CNOT4: variants seen among roughly 807,000 people sequenced by gnomAD.
CNOT4 encodes CCR4-associated factor 4.
In CNOT4, 8 loss-of-function variants were observed where a neutral mutation model predicts 73.8. The observed-to-expected ratio is 0.11, with a 90% CI of 0.06 to 0.20. The LOEUF is 0.20. Among genes scored for constraint, CNOT4 ranks in the 10% least tolerant of loss-of-function variants. The pLI is 1.00. For synonymous variants in CNOT4, 293 were observed against 321.1 expected (o/e 0.91, Z 0.94); for missense variants, 564 against 883.4 (o/e 0.64, Z 4.58).
intron 1 of CNOT4, among the ~76,000 whole-genome samples, chr7:135,506,029 A>G (rs913958258): frequency 2.0e-5 from 3 of 152,214 alleles, no homozygotes; most frequent in African/African-American, 7.2e-5. Flanking sequence ...AAATTATGCT[A>G]GCTTTTAAAT....
At chr7:135,481,444 A>G (rs946078356) in intron 1 of CNOT4, among the ~76,000 whole-genome samples, 12 of 152,192 alleles carry the variant, frequency 7.9e-5, no homozygotes, top group Non-Finnish European at 1.5e-5. Context: ...ACACACAATA[A>G]CAGATGCTGG....
chr7:135,380,810 T>C (rs1331071602), intron 10 of CNOT4, among the ~76,000 whole-genome samples: 1 of 152,240 alleles, frequency 6.6e-6, no homozygotes, highest in African/African-American at 2.4e-5. Flanking sequence ...CCTTGTTTAT[T>C]ATCATCATTG....
chr7:135,412,470 AAAAC>A (rs1215813474), intron 6 of CNOT4, among the ~76,000 whole-genome samples: 2 of 152,056 alleles, frequency 1.3e-5, no homozygotes, highest in Non-Finnish European at 2.9e-5. Flanking sequence ...TTTCATCCAA[AAAAC>A]AAACAAAAAA....
intron 3 of CNOT4, among the ~76,000 whole-genome samples, chr7:135,418,349 C>T (rs780548759): frequency 2.0e-5 from 3 of 152,164 alleles, no homozygotes; most frequent in Non-Finnish European, 2.9e-5. Context: ...TATCTATATA[C>T]TCAATATCAC....
intron 3 of CNOT4, among the ~76,000 whole-genome samples, chr7:135,417,937 G>C (rs1384805442): frequency 6.6e-6 from 1 of 152,176 alleles, no homozygotes; most frequent in African/African-American, 2.4e-5. Context: ...GCTATCCCTT[G>C]TGCCTTTACA....
intron 1 of CNOT4, chr7:135,444,619 A>G: frequency 7.8e-7 from 1 of 1,279,638 alleles, no homozygotes; most frequent in Non-Finnish European, 1.1e-6. Flanking sequence ...CCGAGCCACC[A>G]TTCTGGTTCC....
At chr7:135,422,788 T>C (rs1798263316) in intron 2 of CNOT4, among the ~76,000 whole-genome samples, 2 of 152,206 alleles carry the variant, frequency 1.3e-5, no homozygotes, top group Admixed American at 1.3e-4. Flanking sequence ...ATTAATGAAG[T>C]TACACATTTG....
intron 7 of CNOT4, among the ~76,000 whole-genome samples, chr7:135,408,586 T>C (rs1797428099): frequency 6.6e-6 from 1 of 152,172 alleles, no homozygotes; most frequent in African/African-American, 2.4e-5. Context: ...GAGCTCATCC[T>C]AGCAAATCAG....
intron 1 of CNOT4, chr7:135,444,460 T>C: frequency 1.3e-6 from 1 of 778,400 alleles, no homozygotes; most frequent in East Asian, 2.4e-5. Context: ...GAGATGGCGG[T>C]TCTCTGGAGG....
intron 1 of CNOT4, among the ~76,000 whole-genome samples, chr7:135,481,516 C>G (rs1802380420): frequency 6.6e-6 from 1 of 152,134 alleles, no homozygotes; most frequent in South Asian, 2.1e-4. Context: ...ATCCATACAA[C>G]TACTATGAAA....
At chr7:135,446,466 C>G (rs1040001835) in intron 1 of CNOT4, among the ~76,000 whole-genome samples, 1 of 152,060 alleles carries the variant, frequency 6.6e-6, no homozygotes, top group Admixed American at 6.6e-5. Context: ...GAAAAATATG[C>G]TGTATACACT....
chr7:135,505,429 G>A (rs1010184012), intron 1 of CNOT4, among the ~76,000 whole-genome samples: 2 of 152,102 alleles, frequency 1.3e-5, no homozygotes, highest in African/African-American at 4.8e-5. Flanking sequence ...GCGGACATCT[G>A]TAATCCCAGC....
rs796412528 is a variant in CNOT4 at position 135,495,690 on chromosome 7, A to AAAAGAAAG, written c.-93+14191_-93+14198dup. The stretch of plus-strand genomic sequence containing the variant: ...GTGTCAAAAAAAAAAAAAAAAAAAA[A>AAAAGAAAG]AAAGAAAGAAAGAAAGAAAGAAAGA... On this transcript the variant is annotated intron_variant, in intron 1 of 11. Transcript: ENST00000541284. Among the ~76,000 whole-genome samples the AAAAGAAAG allele has an allele frequency of 6.2e-3, 239 of 38,636 alleles. 5 individuals are homozygous for AAAAGAAAG. The highest frequency in any genetic ancestry group is 0.016 in the Middle Eastern group (1 of 64). The allele number at this position is 38,636 out of a possible 152,430, so 25.3% of individuals were successfully genotyped here.
Position 135,502,476 on chromosome 7 carries a change from T to C in CNOT4, c.-93+7413A>G, listed in dbSNP as rs557649122. Reference sequence around the variant, plus strand: ...CAAGATAAACTCTACAAAGAAGTTCTGCCAAATTTTCCAAGAAGTGGTTCC... The same window carrying C: ...CAAGATAAACTCTACAAAGAAGTTCCGCCAAATTTTCCAAGAAGTGGTTCC... On this transcript the variant is annotated intron_variant, in intron 1 of 11. Coordinates refer to ENST00000541284, the MANE Select transcript of CNOT4 (RefSeq NM_001190850.2). Among the ~76,000 whole-genome samples, 170 of 152,366 alleles carry C rather than the reference T, an allele frequency of 1.1e-3. 4 individuals are homozygous for C. The South Asian group carries it at 0.034, about 30-fold the overall frequency.
intron 1 of CNOT4, among the ~76,000 whole-genome samples, chr7:135,453,826 T>TA (rs1800335679): frequency 2.2e-5 from 2 of 89,904 alleles, no homozygotes; most frequent in South Asian, 3.2e-4. Context: ...TATATATATT[T>TA]TATATATATA....
chr7:135,485,121 G>T (rs536140417), intron 1 of CNOT4, among the ~76,000 whole-genome samples: 30 of 152,242 alleles, frequency 2.0e-4, no homozygotes, highest in Admixed American at 3.9e-4. Context: ...TCACCAGGCT[G>T]GAGTGCAGTG....
chr7:135,503,666 C>G (rs946523779), intron 1 of CNOT4, among the ~76,000 whole-genome samples: 1 of 151,956 alleles, frequency 6.6e-6, no homozygotes, highest in Non-Finnish European at 1.5e-5. Flanking sequence ...TTTCTTTACC[C>G]AAGGAAGACA....
intron 1 of CNOT4, among the ~76,000 whole-genome samples, chr7:135,446,009 G>A (rs965871063): frequency 5.3e-5 from 8 of 152,092 alleles, no homozygotes; most frequent in African/African-American, 1.9e-4. Context: ...AGCCACCTGA[G>A]TAGCTGGAAC....
Position 135,422,727 on chromosome 7 carries a change from T to G in CNOT4, c.175-374A>C, listed in dbSNP as rs548461454. On this transcript the variant is annotated intron_variant, in intron 2 of 11. Transcript: ENST00000541284. ...AGTTCTTGCATCTAAATGTGGGTTT[T>G]ACACATTATAATTAACAAATATTTA... 1.3e-5 allele frequency among the ~76,000 whole-genome samples: 2 copies of G among 152,166 alleles called. 1 individual carries two copies. The highest frequency in any genetic ancestry group is 4.1e-4 in the South Asian group (2 of 4,826).
Sources: allele counts gnomAD v4.1 joint callset (sites outside exome capture counted in the v4.1 genomes callset), GRCh38; gene constraint gnomAD v4.1.1; transcripts MANE v1.5; gene names NCBI Gene and HGNC (gene_info 2026-07-23, HGNC 2026-07-21).